Variants in FNDC4 observed in about 807,000 individuals in gnomAD.
FNDC4 encodes the protein fibronectin type III domain-containing protein 4.
In FNDC4, 11 loss-of-function variants were observed where a neutral mutation model predicts 25.1. The observed-to-expected ratio is 0.44, with a 90% CI of 0.28 to 0.73. FNDC4 has a LOEUF of 0.73. Among genes scored for constraint, FNDC4 ranks in the 30% least tolerant of loss-of-function variants. The pLI is 0.16. For synonymous variants in FNDC4, 136 were observed against 118.8 expected, an observed-to-expected ratio of 1.14 and a Z score of -0.94; for missense variants, 250 against 304.3, an observed-to-expected ratio of 0.82 and a Z score of 1.33.
Position 27,494,149 on chromosome 2 carries a change from G to C in FNDC4, c.250-15C>G. The C allele has an allele frequency of 6.2e-7, 1 of 1,611,558 alleles. No individual in the cohort carries two copies. Among genetic ancestry groups the C allele is most frequent in the Non-Finnish European group, 8.5e-7 (1 of 1,178,692 alleles). Reference sequence around the variant, plus strand: ...CCATTCTGCCGCTGCAGGGAGATGAGGGGAGAGGAGGACAGCCTCACCCCA... The same window carrying C: ...CCATTCTGCCGCTGCAGGGAGATGACGGGAGAGGAGGACAGCCTCACCCCA... On this transcript the variant is annotated splice_polypyrimidine_tract_variant and intron_variant, in intron 3 of 6. Coordinates refer to ENST00000264703, the MANE Select transcript of FNDC4 (RefSeq NM_022823.3). This position sits in a 1 kb window ranked among gnomAD's most constrained non-coding sequence, Gnocchi z 4.6.
Position 27,494,145 on chromosome 2 carries a change from A to T in FNDC4, c.250-11T>A, listed in dbSNP as rs1669323690. 2 of 1,612,804 alleles carry T rather than the reference A, an allele frequency of 1.2e-6. No homozygotes were observed. The highest frequency in any genetic ancestry group is 1.7e-6 in the Non-Finnish European group (2 of 1,179,430). ...GGGGCCATTCTGCCGCTGCAGGGAG[A>T]TGAGGGGAGAGGAGGACAGCCTCAC... On this transcript the variant is annotated splice_polypyrimidine_tract_variant and intron_variant, in intron 3 of 6. Coordinates refer to ENST00000264703, the MANE Select transcript of FNDC4 (RefSeq NM_022823.3). The surrounding 1 kb of genome is among the most constrained non-coding windows in gnomAD (Gnocchi z 4.6).
chr2:27,493,520 G>T, intron 4 of FNDC4, 42 bp from the exon 5 acceptor site: 10 of 1,410,524 alleles, frequency 7.1e-6, no homozygotes, highest in Non-Finnish European at 1.0e-5. Context: ...AGGTTACTGG[G>T]GTCCATACTG....
intron 4 of FNDC4, among the ~76,000 whole-genome samples, 170 bp from the exon 5 acceptor site, chr2:27,493,648 G>A (rs767846669): frequency 5.3e-5 from 8 of 152,144 alleles, no homozygotes; most frequent in Non-Finnish European, 8.8e-5. Context: ...GGTGGTTAGC[G>A]ACCAAAAAGC....
In FNDC4 at chr2:27,493,989, C is replaced by T; in HGVS notation, c.395G>A (p.Arg132Gln). 2 of 1,614,198 alleles carry T rather than the reference C, an allele frequency of 1.2e-6. No homozygotes were observed. The highest frequency in any genetic ancestry group is 8.5e-7 in the Non-Finnish European group (1 of 1,180,028). Residue 132 changes from arginine to glutamine, a missense_variant, in exon 4 of 7, where the codon CGG becomes CAG. Arg to Gln is a conservative substitution (Grantham distance 43, BLOSUM62 1). Coordinates refer to ENST00000264703, the MANE Select transcript of FNDC4 (RefSeq NM_022823.3). ...GLRGESPPGP[R>Q]VHFRTLKGSD... ...ACCCTTGAGAGTTCGGAAGTGCACCCGGGGCCCTGGGGGACTCTCTCCCCG... is the reference window on the plus strand; with the variant it reads ...ACCCTTGAGAGTTCGGAAGTGCACCTGGGGCCCTGGGGGACTCTCTCCCCG...
chr2:27,492,833 CT>C lies in FNDC4; in HGVS notation c.545-44del. ...CTGAGCCTTCATCTCCACTTCCCCC[CT>C]CATAGGGAGATACCTACGTAGCTTC... On this transcript the variant is annotated intron_variant, in intron 5 of 6. Coordinates refer to ENST00000264703, the MANE Select transcript of FNDC4 (RefSeq NM_022823.3). This position sits in a 1 kb window ranked among gnomAD's most constrained non-coding sequence, Gnocchi z 4.1. 5.6e-6 allele frequency: 9 copies of C among 1,612,304 alleles called. No homozygotes were observed. Among genetic ancestry groups the C allele is most frequent in the Non-Finnish European group, 7.6e-6 (9 of 1,179,322 alleles).
In FNDC4 at chr2:27,494,412, G is replaced by A. The variant is rs888909270; in HGVS notation, c.188C>T (p.Ala63Val). ...VTVTHLRANSATVSWDVPEGN... is the reference protein window; with the variant it reads ...VTVTHLRANSVTVSWDVPEGN... Reference sequence around the variant, plus strand: ...TTCTGGGACGTCCCAGGACACAGTGGCCGAGTTGGCTCTGAGGTGAGTGAC... The same window carrying A: ...TTCTGGGACGTCCCAGGACACAGTGACCGAGTTGGCTCTGAGGTGAGTGAC... Residue 63 changes from alanine (A) to valine (V), a missense_variant, in exon 3 of 7, where the codon GCC becomes GTC. By Grantham distance (64) the Ala-to-Val change is moderately conservative (BLOSUM62 0). Transcript: ENST00000264703. This position sits in a 1 kb window ranked among gnomAD's most constrained non-coding sequence, Gnocchi z 4.6. 1.9e-6 allele frequency: 3 copies of A among 1,614,096 alleles called. No homozygotes were observed. The highest frequency in any genetic ancestry group is 1.7e-6 in the Non-Finnish European group (2 of 1,180,036).
Position 27,493,931 on chromosome 2 carries a change from T to A in FNDC4, c.453A>T (p.Pro151=), listed in dbSNP as rs200150285. The A allele has an allele frequency of 6.2e-7, 1 of 1,614,184 alleles. No individual in the cohort carries two copies. The highest frequency in any genetic ancestry group is 1.3e-5 in the African/African-American group (1 of 75,078). The part of the protein sequence containing the change: ...SDRLPSNSSS[P]GDITVEGLDG... ...GAATCCAATAGCACAGATCCTCACCTGGGCTTGAACTGTTTGAAGGTAGCC... is the reference window on the plus strand; with the variant it reads ...GAATCCAATAGCACAGATCCTCACCAGGGCTTGAACTGTTTGAAGGTAGCC... The change falls in exon 4 of 7, where the codon CCA becomes CCT. Residue 151 remains proline (P), a splice_region_variant and synonymous_variant. Transcript: ENST00000264703.
rs1253594903 is a variant in FNDC4, at chr2:27,492,993, C to T, written c.545-203G>A. On this transcript the variant is annotated intron_variant, in intron 5 of 6. Transcript: ENST00000264703. This position sits in a 1 kb window ranked among gnomAD's most constrained non-coding sequence, Gnocchi z 4.1. ...GAACTAAGTATCTCCCCACTCCACT[C>T]TATTTCTCTTACTTTTTTTTTTTTT... Among the ~76,000 whole-genome samples the T allele has an allele frequency of 6.8e-6, 1 of 146,436 alleles. No individual in the cohort carries two copies. The highest frequency in any genetic ancestry group is 1.5e-5 in the Non-Finnish European group (1 of 67,112).
intron 4 of FNDC4, 136 bp from the exon 5 acceptor site, chr2:27,493,614 C>G: frequency 2.5e-6 from 2 of 800,238 alleles, no homozygotes; most frequent in Non-Finnish European, 4.2e-6. Context: ...TAGCCCCTCC[C>G]TGGGAGGAAG....
intron 4 of FNDC4, 61 bp downstream of exon 4, chr2:27,493,862 TTGGGGAA>T: frequency 7.1e-7 from 1 of 1,403,828 alleles, no homozygotes; most frequent in Non-Finnish European, 1.0e-6. Context: ...GTTGCTTGTC[TTGGGGAA>T]GTAAGTAAGA....
rs942511052 is a variant in FNDC4, at chr2:27,493,914, T to C, written c.454+16A>G. The C allele has an allele frequency of 5.0e-6, 8 of 1,612,450 alleles. No individual in the cohort carries two copies. Among genetic ancestry groups the C allele is most frequent in the African/African-American group, 4.0e-5 (3 of 75,034 alleles). ...CCAGGTAAGCAGCCAGAGAATCCAA[T>C]AGCACAGATCCTCACCTGGGCTTGA... On this transcript the variant is annotated intron_variant, in intron 4 of 6. Coordinates refer to ENST00000264703, the MANE Select transcript of FNDC4 (RefSeq NM_022823.3).
At position 27,493,626 on chromosome 2, in the gene FNDC4, C is replaced by T. The variant is rs1263022571; in HGVS notation, c.455-148G>A. ...GGGTAGCCCCTCCCTGGGAGGAAGC[C>T]GTTGGTGGACAGGTGGTTAGCGACC... is the stretch of plus-strand genomic sequence containing the variant. On this transcript the variant is annotated intron_variant, in intron 4 of 6. Coordinates refer to ENST00000264703, the MANE Select transcript of FNDC4 (RefSeq NM_022823.3). 6 of 747,310 alleles carry T rather than the reference C, an allele frequency of 8.0e-6. No individual in the cohort carries two copies. In the East Asian group the frequency reaches 1.3e-4, roughly 16 times the overall value. 46.3% of individuals were successfully genotyped at this position (747,310 alleles called of 1,614,324 possible). A position where few individuals can be genotyped will look rare whatever the true frequency, so the allele number is the denominator to read the frequency against.
chr2:27,493,954 G>A lies in FNDC4; in HGVS notation c.430C>T (p.Leu144=), dbSNP rs563276232. The change falls in exon 4 of 7, where the codon CTA becomes TTA. Residue 144 remains leucine, a synonymous_variant. Coordinates refer to ENST00000264703, the MANE Select transcript of FNDC4 (RefSeq NM_022823.3). ...CCTGGGCTTGAACTGTTTGAAGGTA[G>A]CCGGTCAGAACCCTTGAGAGTTCGG... ...HFRTLKGSDR[L]PSNSSSPGDI... 1.7e-5 allele frequency: 27 copies of A among 1,614,230 alleles called. No individual in the cohort carries two copies. The highest frequency in any genetic ancestry group is 2.3e-5 in the Non-Finnish European group (27 of 1,180,044).
chr2:27,494,268 G>C lies in FNDC4; in HGVS notation c.249+83C>G. 2.8e-6 allele frequency: 4 copies of C among 1,415,772 alleles called. No individual in the cohort carries two copies. Among genetic ancestry groups the C allele is most frequent in the South Asian group, 1.2e-5 (1 of 84,670 alleles). 87.7% of individuals were successfully genotyped at this position (1,415,772 alleles called of 1,614,324 possible). A position where few individuals can be genotyped will look rare whatever the true frequency, so the allele number is the denominator to read the frequency against. Reference sequence around the variant, plus strand: ...GGGCAGCCTGAGCCAGGATACGCCAGCTTCCAGATCCCCCCCACTTAAGTG... The same window carrying C: ...GGGCAGCCTGAGCCAGGATACGCCACCTTCCAGATCCCCCCCACTTAAGTG... On this transcript the variant is annotated intron_variant, in intron 3 of 6. Transcript: ENST00000264703. The surrounding 1 kb of genome is among the most constrained non-coding windows in gnomAD (Gnocchi z 4.6).
chr2:27,494,709 G>A lies in FNDC4; in HGVS notation c.-24-6C>T, dbSNP rs1166933649. The A allele has an allele frequency of 6.7e-7, 1 of 1,495,626 alleles. No individual in the cohort carries two copies. The highest frequency in any genetic ancestry group is 8.9e-7 in the Non-Finnish European group (1 of 1,125,686). 92.6% of individuals were successfully genotyped at this position (1,495,626 alleles called of 1,614,324 possible). A position where few individuals can be genotyped will look rare whatever the true frequency, so the allele number is the denominator to read the frequency against. On this transcript the variant is annotated splice_region_variant and splice_polypyrimidine_tract_variant and intron_variant, in intron 1 of 6. Coordinates refer to ENST00000264703, the MANE Select transcript of FNDC4 (RefSeq NM_022823.3). This position sits in a 1 kb window ranked among gnomAD's most constrained non-coding sequence, Gnocchi z 4.6. ...TTGACATCCAGGCGGGGCTCCTGGA[G>A]ATGGCAGGAGTTGTGGGGGGTCAAG...
intron 5 of FNDC4, 120 bp downstream of exon 5, chr2:27,493,269 C>T (rs1669303086): frequency 1.2e-6 from 1 of 800,498 alleles, no homozygotes; most frequent in East Asian, 2.7e-5. Flanking sequence ...GCCTTGGCCT[C>T]CCAAAGTGCT....
Position 27,492,729 on chromosome 2 carries a change from ATTG to A in FNDC4, c.603_605del (p.Asn202del). 1 of 1,613,644 alleles carries A rather than the reference ATTG, an allele frequency of 6.2e-7. No individual in the cohort carries two copies. Among genetic ancestry groups the A allele is most frequent in the South Asian group, 1.1e-5 (1 of 91,060 alleles). Reference sequence around the variant, plus strand: ...CCGGCCCCTTTCCCTTCTCCTTGGGATTGTTGTTGGAGTCATTGTCCTTGATGA... The same window carrying A: ...CCGGCCCCTTTCCCTTCTCCTTGGGATTGTTGGAGTCATTGTCCTTGATGA... On this transcript the variant is annotated inframe_deletion, in exon 6 of 7. Transcript: ENST00000264703. This position sits in a 1 kb window ranked among gnomAD's most constrained non-coding sequence, Gnocchi z 4.1.
chr2:27,494,722 G>C lies in FNDC4; in HGVS notation c.-24-19C>G. 6.8e-6 allele frequency: 10 copies of C among 1,477,668 alleles called. No individual in the cohort carries two copies. The highest frequency in any genetic ancestry group is 1.4e-5 in the South Asian group (1 of 73,068). 91.5% of individuals were successfully genotyped at this position (1,477,668 alleles called of 1,614,324 possible). A position where few individuals can be genotyped will look rare whatever the true frequency, so the allele number is the denominator to read the frequency against. ...GGGGCTCCTGGAGATGGCAGGAGTT[G>C]TGGGGGGTCAAGGACTGCCCAGAAC... On this transcript the variant is annotated intron_variant, in intron 1 of 6. Transcript: ENST00000264703. The surrounding 1 kb of genome is among the most constrained non-coding windows in gnomAD (Gnocchi z 4.6).
rs759189091 is a variant in FNDC4, at chr2:27,492,621, C to T, written c.669+45G>A. The T allele has an allele frequency of 1.8e-5, 29 of 1,610,834 alleles. No individual in the cohort carries two copies. The highest frequency in any genetic ancestry group is 2.0e-5 in the Non-Finnish European group (23 of 1,177,180). On this transcript the variant is annotated intron_variant, in intron 6 of 6. Transcript: ENST00000264703. This position sits in a 1 kb window ranked among gnomAD's most constrained non-coding sequence, Gnocchi z 4.1. ...CTTCTTCCTTTCCCTGGCTGCCCCT[C>T]AGGGGCAGAATCACCCTTTCCGCCC...
Sources: gnomAD v4.1 joint callset for allele counts (sites outside exome capture counted in the v4.1 genomes callset) on GRCh38, gnomAD v4.1.1 for gene constraint, Gnocchi (gnomAD v3.1) non-coding constraint, MANE v1.5 for transcripts, NCBI Gene and HGNC (gene_info 2026-07-23, HGNC 2026-07-21) for gene names.